The following MGAT4A variants were observed in gnomAD, a reference collection of about 807,000 sequenced individuals.
MGAT4A encodes the protein alpha-1,3-mannosyl-glycoprotein 4-beta-N-acetylglucosaminyltransferase A.
Under a neutral mutation model 74.1 loss-of-function variants are expected in MGAT4A, and 33 were observed. The observed-to-expected ratio is 0.45, with a 90% confidence interval of 0.34 to 0.60. MGAT4A has a LOEUF of 0.60. Ranked by LOEUF, MGAT4A falls within the 20% of genes least tolerant of loss-of-function variation. MGAT4A has a pLI of 0.02. For synonymous variants in MGAT4A, 198 were observed against 210.4 expected (o/e 0.94, Z 0.51); for missense variants, 479 against 628.3 (o/e 0.76, Z 2.54).
At chr2:98,656,499 T>C (rs1467861728) in intron 6 of MGAT4A, 34 bp from the exon 7 acceptor site, 1 of 1,403,650 alleles carries the variant, frequency 7.1e-7, no homozygotes, top group Non-Finnish European at 1.0e-6. Context: ...TTACTTAAGT[T>C]CTGTGGGATT....
chr2:98,674,929 A>C, intron 4 of MGAT4A, 106 bp downstream of exon 4: 1 of 1,171,748 alleles, frequency 8.5e-7, no homozygotes, highest in Non-Finnish European at 1.2e-6. Flanking sequence ...AGATAAAGAA[A>C]GAACTTTCAT....
intron 8 of MGAT4A, among the ~76,000 whole-genome samples, chr2:98,654,506 A>G (rs1701630407): frequency 2.0e-5 from 3 of 152,128 alleles, no homozygotes; most frequent in African/African-American, 7.2e-5. Flanking sequence ...ATTTTTGTAT[A>G]CTAACAATGA....
In MGAT4A at chr2:98,640,122, G is replaced by T. The variant is rs767201370; in HGVS notation, c.1127C>A (p.Thr376Lys). ...AGAAAATAAAATTAAGTCACCAACCGTGAGTTTTTGGATTTTTCCTGATAG... is the reference window on the plus strand; with the variant it reads ...AGAAAATAAAATTAAGTCACCAACCTTGAGTTTTTGGATTTTTCCTGATAG... ...SSLSGKIQKL[T>K]DKDYMKPLLL... Residue 376 changes from threonine to lysine, a missense_variant and splice_region_variant, in exon 11 of 16, where the codon ACG (threonine) becomes AAG (lysine). Transcript: ENST00000393487. 1 of 1,601,554 alleles carries T rather than the reference G, an allele frequency of 6.2e-7. No homozygotes were observed. Among genetic ancestry groups the T allele is most frequent in the South Asian group, 1.1e-5 (1 of 87,920 alleles).
At chr2:98,693,024 A>G (rs535531991) in intron 2 of MGAT4A, among the ~76,000 whole-genome samples, 1 of 152,358 alleles carries the variant, frequency 6.6e-6, no homozygotes, top group South Asian at 2.1e-4. Context: ...ACGTTAGAAA[A>G]CTAGAGACAA....
chr2:98,624,408 C>A lies in MGAT4A; in HGVS notation c.*1158G>T. ...ATAGTAGTAATATCATTTGGAATAG[C>A]GTGTTTAAGAGTAATAAATACAGTC... is the stretch of plus-strand genomic sequence containing the variant. On this transcript the variant is annotated 3_prime_UTR_variant, in exon 16 of 16. Transcript: ENST00000393487. The A allele has an allele frequency of 1.0e-6, 1 of 953,402 alleles. No individual in the cohort carries two copies. Among genetic ancestry groups the A allele is most frequent in the Non-Finnish European group, 1.2e-6 (1 of 801,040 alleles). The allele number at this position is 953,402 out of a possible 1,614,324, so 59.1% of individuals were successfully genotyped here. A position where few individuals can be genotyped will look rare whatever the true frequency, so the allele number is the denominator to read the frequency against.
At position 98,623,965 on chromosome 2, in the gene MGAT4A, G is replaced by A. The variant is rs1456179070; in HGVS notation, c.*1601C>T. The A allele has an allele frequency of 1.1e-5, 11 of 984,858 alleles. No individual in the cohort carries two copies. The highest frequency in any genetic ancestry group is 1.2e-5 in the Non-Finnish European group (10 of 829,926). 61.0% of individuals were successfully genotyped at this position (984,858 alleles called of 1,614,324 possible). A position where few individuals can be genotyped will look rare whatever the true frequency, so the allele number is the denominator to read the frequency against. On this transcript the variant is annotated 3_prime_UTR_variant, in exon 16 of 16. Transcript: ENST00000393487. ...GCAACCAACCTGCAACCCACTTGTG[G>A]CACCCCAGTGTGTCCAAGCAGACTG...
At chr2:98,686,844 T>C (rs1027091319) in intron 2 of MGAT4A, among the ~76,000 whole-genome samples, 2 of 152,178 alleles carry the variant, frequency 1.3e-5, no homozygotes, top group African/African-American at 2.4e-5. Context: ...TTGACTTCCC[T>C]TGGGAAAGGG....
chr2:98,630,610 T>C (rs2104216863), intron 14 of MGAT4A, among the ~76,000 whole-genome samples: 1 of 152,258 alleles, frequency 6.6e-6, no homozygotes, highest in Admixed American at 6.5e-5. Flanking sequence ...ATGTTCATGT[T>C]CCATACGTAC....
At chr2:98,686,035 G>A (rs1702125719) in intron 2 of MGAT4A, among the ~76,000 whole-genome samples, 1 of 152,150 alleles carries the variant, frequency 6.6e-6, no homozygotes, top group Admixed American at 6.5e-5. Flanking sequence ...AAAATGTTTA[G>A]GGCCGTAATC....
At chr2:98,715,280 T>C (rs1208902062) in intron 2 of MGAT4A, among the ~76,000 whole-genome samples, 1 of 138,322 alleles carries the variant, frequency 7.2e-6, no homozygotes, top group African/African-American at 2.8e-5. Context: ...ATTGTGCCAC[T>C]GCGTTCCAGC....
Position 98,641,579 on chromosome 2 carries a change from G to A in MGAT4A, c.1021-1351C>T, listed in dbSNP as rs185146649. ...TAGTCCCAGCTATGCAGGAGGCTGAGGCAGGAGAATGGCGTGAACACGGGA... is the reference window on the plus strand; with the variant it reads ...TAGTCCCAGCTATGCAGGAGGCTGAAGCAGGAGAATGGCGTGAACACGGGA... On this transcript the variant is annotated intron_variant, in intron 10 of 15. Transcript: ENST00000393487. Among the ~76,000 whole-genome samples the A allele has an allele frequency of 5.6e-3, 857 of 151,810 alleles. 11 individuals carry two copies. Among genetic ancestry groups the A allele is most frequent in the African/African-American group, 0.019 (804 of 41,374 alleles).
intron 12 of MGAT4A, among the ~76,000 whole-genome samples, chr2:98,639,135 A>G (rs1266894835): frequency 2.0e-5 from 3 of 152,104 alleles, no homozygotes; most frequent in Non-Finnish European, 4.4e-5. Context: ...AAATACAAAA[A>G]AATTAGCCAG....
chr2:98,681,608 T>TA (rs746798413), intron 2 of MGAT4A, among the ~76,000 whole-genome samples: 43 of 152,244 alleles, frequency 2.8e-4, no homozygotes, highest in Non-Finnish European at 4.7e-4. Context: ...CCTTCAGACT[T>TA]AAGCAGTGCC....
At chr2:98,656,673 A>T (rs1701666601) in intron 6 of MGAT4A, among the ~76,000 whole-genome samples, 1 of 152,028 alleles carries the variant, frequency 6.6e-6, no homozygotes, top group Admixed American at 6.6e-5. Context: ...GTTTTTTTTT[A>T]AAGTAATGCT....
At chr2:98,702,398 C>T (rs1198552233) in intron 2 of MGAT4A, among the ~76,000 whole-genome samples, 1 of 152,184 alleles carries the variant, frequency 6.6e-6, no homozygotes. Flanking sequence ...ACTGGCACAC[C>T]AGCTGGAGAC....
chr2:98,640,141 C>T lies in MGAT4A; in HGVS notation c.1108G>A (p.Gly370Arg). 6.2e-7 allele frequency: 1 copy of T among 1,606,950 alleles called. No homozygotes were observed. The change falls in exon 11 of 16, where the codon GGA becomes AGA. Residue 370 changes from glycine (G) to arginine (R), a missense_variant. Around this residue, in one of 3 missense-constraint regions of MGAT4A, gnomAD observed 236 missense variants for 308.2 expected, o/e 0.77. Coordinates refer to ENST00000393487, the MANE Select transcript of MGAT4A (RefSeq NM_012214.3). ...QHVGLHSSLSGKIQKLTDKDY... is the reference protein window; with the variant it reads ...QHVGLHSSLSRKIQKLTDKDY... ...CCAACCGTGAGTTTTTGGATTTTTC[C>T]TGATAGTGATGAGTGCAGACCAACA...
At chr2:98,660,384 A>G (rs1194251204) in intron 5 of MGAT4A, among the ~76,000 whole-genome samples, 1 of 137,676 alleles carries the variant, frequency 7.3e-6, no homozygotes, top group Non-Finnish European at 1.5e-5. Context: ...CCTAAAATTC[A>G]TATATAACCA....
At chr2:98,682,418 A>ATC (rs1406735924) in intron 2 of MGAT4A, among the ~76,000 whole-genome samples, 1 of 114,854 alleles carries the variant, frequency 8.7e-6, no homozygotes, top group Admixed American at 1.0e-4. Context: ...GTGGAATTCC[A>ATC]TCTCAAAAAA....
chr2:98,727,684 C>T (rs1265065906), intron 1 of MGAT4A, among the ~76,000 whole-genome samples: 2 of 152,200 alleles, frequency 1.3e-5, no homozygotes, highest in African/African-American at 4.8e-5. Context: ...GGGAAGAGCA[C>T]AACCGATTCA....
Sources: gnomAD v4.1 joint callset for allele counts (sites outside exome capture counted in the v4.1 genomes callset) on GRCh38, gnomAD v4.1.1 for gene constraint, gnomAD v4.1.1 regional missense constraint, MANE v1.5 for transcripts, NCBI Gene and HGNC (gene_info 2026-07-23, HGNC 2026-07-21) for gene names.